The following SQOR variants were observed in gnomAD, a reference collection of about 807,000 sequenced individuals.
SQOR encodes sulfide:quinone oxidoreductase, mitochondrial.
In SQOR, 39 loss-of-function variants were observed where a neutral mutation model predicts 48.6. That is an observed-to-expected ratio of 0.80 (90% CI 0.62 to 1.05). The LOEUF (loss-of-function observed/expected upper bound fraction) is 1.05. Ranked by LOEUF, SQOR falls within the 50% of genes least tolerant of loss-of-function variation. SQOR has a pLI of 0.00. For missense variants in SQOR, 561 were observed against 559.9 expected, an observed-to-expected ratio of 1.00 and a Z score of -0.02; for synonymous variants, 220 against 206.2, an observed-to-expected ratio of 1.07 and a Z score of -0.57.
At chr15:45,652,410 C>A (rs1889509897) in intron 1 of SQOR, among the ~76,000 whole-genome samples, 1 of 152,152 alleles carries the variant, frequency 6.6e-6, no homozygotes. Context: ...TCTCAGCTCA[C>A]AGCCACCACC....
intron 1 of SQOR, among the ~76,000 whole-genome samples, chr15:45,642,070 G>A (rs1378330216): frequency 6.6e-6 from 1 of 152,160 alleles, no homozygotes; most frequent in Non-Finnish European, 1.5e-5. Flanking sequence ...GCAGTGCCTA[G>A]CACAATCCCT....
intron 6 of SQOR, among the ~76,000 whole-genome samples, chr15:45,680,217 C>T (rs573111571): frequency 2.1e-4 from 32 of 152,070 alleles, no homozygotes; most frequent in African/African-American, 6.3e-4. Context: ...ACCTCAGCCT[C>T]CTGAGTAGCT....
upstream of SQOR, among the ~76,000 whole-genome samples, chr15:45,632,956 A>T (rs1180776735): frequency 6.6e-6 from 1 of 151,896 alleles, no homozygotes; most frequent in Non-Finnish European, 1.5e-5. Context: ...AAAAAAAATA[A>T]ATAAATTTAG....
At chr15:45,654,869 A>G (rs1889565722) in intron 1 of SQOR, among the ~76,000 whole-genome samples, 1 of 152,124 alleles carries the variant, frequency 6.6e-6, no homozygotes, top group African/African-American at 2.4e-5. Flanking sequence ...TTGATCAGGT[A>G]TGATGTTTAC....
intron 4 of SQOR, among the ~76,000 whole-genome samples, chr15:45,671,792 C>G (rs1464042615): frequency 6.6e-6 from 1 of 152,146 alleles, no homozygotes; most frequent in Admixed American, 6.6e-5. Flanking sequence ...TTCACAGGGT[C>G]TCTGCAGCAG....
At chr15:45,661,458 C>G (rs1595577161) in intron 2 of SQOR, among the ~76,000 whole-genome samples, 1 of 152,256 alleles carries the variant, frequency 6.6e-6, no homozygotes, top group African/African-American at 2.4e-5. Context: ...TCAGGAAACA[C>G]AGCCCTCACT....
intron 6 of SQOR, among the ~76,000 whole-genome samples, chr15:45,681,047 A>G (rs1218523229): frequency 6.6e-6 from 1 of 151,848 alleles, no homozygotes; most frequent in Admixed American, 6.6e-5. Context: ...AGTCTCTAAT[A>G]AAAGAAAAAA....
chr15:45,646,570 T>A (rs755069146), intron 1 of SQOR, among the ~76,000 whole-genome samples: 4 of 152,246 alleles, frequency 2.6e-5, no homozygotes, highest in Non-Finnish European at 5.9e-5. Context: ...ATTGCTAATA[T>A]CTTGCTATTA....
chr15:45,650,339 G>A (rs930037006), intron 1 of SQOR, among the ~76,000 whole-genome samples: 9 of 152,192 alleles, frequency 5.9e-5, no homozygotes, highest in African/African-American at 2.2e-4. Flanking sequence ...AGTTCTTAAA[G>A]GCGGCGTGTC....
chr15:45,689,808 T>A (rs1890290025), intron 9 of SQOR, among the ~76,000 whole-genome samples: 1 of 152,164 alleles, frequency 6.6e-6, no homozygotes, highest in Admixed American at 6.5e-5. Context: ...GAGTCATACT[T>A]CTGCTATTAG....
chr15:45,689,606 C>T (rs1032427669), intron 9 of SQOR, among the ~76,000 whole-genome samples: 6 of 151,672 alleles, frequency 4.0e-5, no homozygotes, highest in African/African-American at 9.7e-5. Context: ...TTAGTAGAGA[C>T]GGGTCTCTAC....
chr15:45,669,725 G>A (rs912296860), intron 3 of SQOR, among the ~76,000 whole-genome samples: 1 of 152,102 alleles, frequency 6.6e-6, no homozygotes, highest in Non-Finnish European at 1.5e-5. Flanking sequence ...ACCTCCCCCA[G>A]CCCCAAGACA....
At chr15:45,670,177 C>G (rs1489190532) in intron 4 of SQOR, among the ~76,000 whole-genome samples, 196 bp downstream of exon 4, 1 of 152,214 alleles carries the variant, frequency 6.6e-6, no homozygotes, top group Non-Finnish European at 1.5e-5. Context: ...ACCATATGTT[C>G]TAGCTTTAAG....
chr15:45,674,009 T>C, intron 5 of SQOR: 1 of 577,416 alleles, frequency 1.7e-6, no homozygotes, highest in Non-Finnish European at 3.0e-6. Context: ...GCTGCAGTTT[T>C]CAATTTGACA....
chr15:45,669,570 G>A (rs1595504427), intron 3 of SQOR, among the ~76,000 whole-genome samples: 1 of 152,244 alleles, frequency 6.6e-6, no homozygotes, highest in South Asian at 2.1e-4. Flanking sequence ...AATAATTGTG[G>A]CCTCTCACTG....
intron 2 of SQOR, 128 bp from the exon 3 acceptor site, chr15:45,661,827 A>C (rs1889725658): frequency 1.0e-6 from 1 of 956,780 alleles, no homozygotes; most frequent in African/African-American, 1.6e-5. Flanking sequence ...AACTTTGTGG[A>C]GACTTTTCCA....
At chr15:45,687,826 A>C (rs1381025384) in intron 7 of SQOR, among the ~76,000 whole-genome samples, 3 of 152,218 alleles carry the variant, frequency 2.0e-5, no homozygotes, top group Non-Finnish European at 4.4e-5. Flanking sequence ...CTCTATATCT[A>C]TAGATCTATA....
intron 1 of SQOR, among the ~76,000 whole-genome samples, chr15:45,635,347 C>A (rs1566912341): frequency 6.6e-6 from 1 of 152,192 alleles, no homozygotes; most frequent in African/African-American, 2.4e-5. Context: ...AGTGTCAGAG[C>A]CTCAGGGCCG....
At chr15:45,655,885 C>T (rs993570397) in intron 1 of SQOR, among the ~76,000 whole-genome samples, 14 of 151,978 alleles carry the variant, frequency 9.2e-5, no homozygotes, top group South Asian at 2.1e-4. Context: ...CGGGATTTCA[C>T]CATGTTGGCC....
Sources: gnomAD v4.1 joint callset for allele counts (sites outside exome capture counted in the v4.1 genomes callset) on GRCh38, gnomAD v4.1.1 for gene constraint, MANE v1.5 for transcripts, NCBI Gene and HGNC (gene_info 2026-07-23, HGNC 2026-07-21) for gene names.